The following ALX1 variants were observed in gnomAD, a reference collection of about 807,000 sequenced individuals.
The protein encoded by ALX1 is ALX homeobox 1.
In ALX1, 19 loss-of-function variants were observed where a neutral mutation model predicts 31.7. The observed-to-expected ratio is 0.60, with a 90% CI of 0.42 to 0.88. ALX1 has a LOEUF of 0.88. Among genes scored for constraint, ALX1 ranks in the 40% least tolerant of loss-of-function variants. The probability of loss-of-function intolerance (pLI) is 0.00; values close to 1 mark genes in which losing one functional copy is unlikely to be tolerated. For missense variants in ALX1, 415 were observed against 407.8 expected, an observed-to-expected ratio of 1.02 and a Z score of -0.15; for synonymous variants, 153 against 148.8, an observed-to-expected ratio of 1.03 and a Z score of -0.20.
intron 3 of ALX1, among the ~76,000 whole-genome samples, chr12:85,290,481 A>G (rs1896803822): frequency 6.6e-6 from 1 of 151,256 alleles, no homozygotes; most frequent in Non-Finnish European, 1.5e-5. Flanking sequence ...ATTTATAAAC[A>G]TTTAAAAAGC....
chr12:85,280,576 G>C (rs1166424126), intron 1 of ALX1, 89 bp downstream of exon 1: 6 of 1,401,032 alleles, frequency 4.3e-6, no homozygotes, highest in African/African-American at 1.4e-5. Flanking sequence ...GAGGGAGAAA[G>C]GAGAAAAGTG....
In ALX1 at chr12:85,283,650, T is replaced by G. The variant is rs1896709134; in HGVS notation, c.305T>G (p.Leu102Arg). Reference protein sequence around the residue: ...LNRAMDNCNSLRMSPVKGMQE... With the variant: ...LNRAMDNCNSRRMSPVKGMQE... The stretch of plus-strand genomic sequence containing the variant: ...AGAGCTATGGACAACTGTAACAGTC[T>G]CCGAATGTCTCCCGTGAAAGGGATG... The change falls in exon 2 of 4, where the codon CTC becomes CGC. Residue 102 changes from leucine (L) to arginine (R), a missense_variant. Around this residue, in one of 3 missense-constraint regions of ALX1, gnomAD observed 235 missense variants for 208.9 expected, o/e 1.13. Transcript: ENST00000316824. 6 of 1,614,068 alleles carry G rather than the reference T, an allele frequency of 3.7e-6. No homozygotes were observed. The highest frequency in any genetic ancestry group is 5.1e-6 in the Non-Finnish European group (6 of 1,179,992).
intron 2 of ALX1, among the ~76,000 whole-genome samples, chr12:85,285,099 T>C (rs1455960698): frequency 2.0e-5 from 3 of 152,044 alleles, no homozygotes; most frequent in Admixed American, 6.6e-5. Context: ...CTGTGTAAGT[T>C]TGAGATTTTT....
Position 85,283,718 on chromosome 12 carries a change from A to C in ALX1, c.373A>C (p.Ser125Arg), listed in dbSNP as rs1163736275. 1.9e-6 allele frequency: 3 copies of C among 1,614,184 alleles called. No homozygotes were observed. Among genetic ancestry groups the C allele is most frequent in the Admixed American group, 1.7e-5 (1 of 60,022 alleles). ...ELDELGDKCD[S>R]NVSSSKKRRH... ...GGATGAACTTGGGGATAAATGTGAT[A>C]GCAATGTATCCAGCAGTAAGAAACG... Residue 125 changes from serine (S) to arginine (R), a missense_variant, in exon 2 of 4, where the codon AGC becomes CGC. Coordinates refer to ENST00000316824, the MANE Select transcript of ALX1 (RefSeq NM_006982.3).
chr12:85,283,444 A>G, intron 1 of ALX1, 128 bp from the exon 2 acceptor site: 1 of 937,366 alleles, frequency 1.1e-6, no homozygotes, highest in African/African-American at 1.6e-5. Context: ...TGGTAATTGA[A>G]TTAATACTAG....
chr12:85,283,964 A>C (rs866570272), intron 2 of ALX1, 88 bp downstream of exon 2: 3 of 1,366,848 alleles, frequency 2.2e-6, no homozygotes, highest in Middle Eastern at 2.5e-4. Context: ...CCACAAAGAA[A>C]CAAACTGATT....
At chr12:85,300,130 A>G (rs1294932087) in intron 3 of ALX1, among the ~76,000 whole-genome samples, 1 of 151,888 alleles carries the variant, frequency 6.6e-6, no homozygotes, top group Non-Finnish European at 1.5e-5. Flanking sequence ...CCAGTAACGT[A>G]TGGGGTTCCT....
At chr12:85,285,385 G>A (rs760936105) in intron 2 of ALX1, among the ~76,000 whole-genome samples, 7 of 151,940 alleles carry the variant, frequency 4.6e-5, no homozygotes, top group Non-Finnish European at 7.4e-5. Context: ...ACCCAAAAAC[G>A]TATTACTAAA....
rs757462532 is a variant in ALX1 at position 85,280,494 on chromosome 12, C to G, written c.226+7C>G. The G allele has an allele frequency of 9.3e-6, 15 of 1,609,270 alleles. No homozygotes were observed. In the African/African-American group the frequency reaches 1.9e-4, roughly 20 times the overall value. ...CCCTGTCAGGACAGCAGCGGTGAGTCGCTAGCGCCCCAGCCGGAGCCGCCG... is the reference window on the plus strand; with the variant it reads ...CCCTGTCAGGACAGCAGCGGTGAGTGGCTAGCGCCCCAGCCGGAGCCGCCG... On this transcript the variant is annotated splice_region_variant and intron_variant, in intron 1 of 3. Transcript: ENST00000316824.
intron 2 of ALX1, among the ~76,000 whole-genome samples, chr12:85,286,408 G>A (rs544385119): frequency 6.6e-6 from 1 of 152,042 alleles, no homozygotes; most frequent in African/African-American, 2.4e-5. Flanking sequence ...ATATTTTAAA[G>A]ATAAGTTTTA....
intron 3 of ALX1, among the ~76,000 whole-genome samples, chr12:85,295,581 T>G (rs755780995): frequency 2.2e-4 from 33 of 151,680 alleles, no homozygotes; most frequent in South Asian, 2.1e-4. Context: ...TAGATTTTCA[T>G]GTAAAGAGGT....
chr12:85,297,241 A>T (rs1273246806), intron 3 of ALX1, among the ~76,000 whole-genome samples: 1 of 151,678 alleles, frequency 6.6e-6, no homozygotes, highest in Non-Finnish European at 1.5e-5. Context: ...CAATCAGATG[A>T]TATGCAGTGT....
chr12:85,283,916 A>T (rs1448645215), intron 2 of ALX1, 40 bp downstream of exon 2: 2 of 1,599,760 alleles, frequency 1.3e-6, no homozygotes, highest in Non-Finnish European at 1.7e-6. Flanking sequence ...GGGATAGGAA[A>T]ATAAATGGTG....
At chr12:85,290,446 A>T (rs1896803687) in intron 3 of ALX1, among the ~76,000 whole-genome samples, 1 of 151,198 alleles carries the variant, frequency 6.6e-6, no homozygotes, top group South Asian at 2.1e-4. Flanking sequence ...TCCTTTTTGG[A>T]AGGTAAAAAT....
At position 85,293,418 on chromosome 12, in the gene ALX1, T is replaced by A. The variant is rs970952272; in HGVS notation, c.660+6437T>A. 3.3e-5 allele frequency among the ~76,000 whole-genome samples: 5 copies of A among 150,364 alleles called. No homozygotes were observed. The Middle Eastern group carries it at 0.014, about 412-fold the overall frequency. On this transcript the variant is annotated intron_variant, in intron 3 of 3. Transcript: ENST00000316824. ...AATGGAATTCATTTAATGAAAAAAA[T>A]TTTAATAAAAATGAAACATTTCATT...
At chr12:85,284,449 A>G (rs1896723053) in intron 2 of ALX1, among the ~76,000 whole-genome samples, 1 of 152,038 alleles carries the variant, frequency 6.6e-6, no homozygotes, top group Non-Finnish European at 1.5e-5. Flanking sequence ...ACAATTTTAT[A>G]GTCCTAGTAG....
intron 2 of ALX1, among the ~76,000 whole-genome samples, chr12:85,285,768 T>C (rs535607840): frequency 6.6e-6 from 1 of 152,080 alleles, no homozygotes; most frequent in Admixed American, 6.6e-5. Context: ...TTCCTAAATA[T>C]TTTATATTCT....
intron 3 of ALX1, among the ~76,000 whole-genome samples, chr12:85,293,129 T>C (rs916806050): frequency 2.0e-5 from 3 of 150,584 alleles, no homozygotes; most frequent in African/African-American, 7.3e-5. Context: ...TAAACACAAA[T>C]ATTTTAAGTG....
chr12:85,280,495 G>C lies in ALX1; in HGVS notation c.226+8G>C. 6.2e-7 allele frequency: 1 copy of C among 1,609,168 alleles called. No individual in the cohort carries two copies. The highest frequency in any genetic ancestry group is 8.5e-7 in the Non-Finnish European group (1 of 1,179,560). ...CCTGTCAGGACAGCAGCGGTGAGTC[G>C]CTAGCGCCCCAGCCGGAGCCGCCGC... On this transcript the variant is annotated splice_region_variant and intron_variant, in intron 1 of 3. Transcript: ENST00000316824.
Sources: allele counts gnomAD v4.1 joint callset (sites outside exome capture counted in the v4.1 genomes callset), GRCh38; gene constraint gnomAD v4.1.1; regional missense constraint gnomAD v4.1.1; transcripts MANE v1.5; gene names NCBI Gene and HGNC (gene_info 2026-07-23, HGNC 2026-07-21).